The following SGSM2 variants were observed in gnomAD, a reference collection of about 807,000 sequenced individuals.
SGSM2 encodes the protein RUN and TBC1 domain containing 1.
In SGSM2, 89 loss-of-function variants were observed where a neutral mutation model predicts 126.6. The observed-to-expected ratio is 0.70, with a 90% CI of 0.59 to 0.84. The LOEUF (loss-of-function observed/expected upper bound fraction) is 0.84. Among genes scored for constraint, SGSM2 ranks in the 40% least tolerant of loss-of-function variants. The pLI is 0.00. For missense variants in SGSM2, 1,404 were observed against 1,416.6 expected (o/e 0.99, Z 0.14); for synonymous variants, 614 against 574.3 (o/e 1.07, Z -0.99).
Position 2,376,847 on chromosome 17 carries a change from C to T in SGSM2, c.2692+32C>T, listed in dbSNP as rs202039022. ...GATGGCGGGACATGGGACTGGGCTG[C>T]GTAAGCTGGAGAAAGGACGAGAGGG... On this transcript the variant is annotated intron_variant, in intron 20 of 23. Transcript: ENST00000268989. 296 of 1,613,098 alleles carry T rather than the reference C, an allele frequency of 1.8e-4. 2 individuals are homozygous for T. The African/African-American group carries it at 3.3e-3, about 18-fold the overall frequency.
chr17:2,347,473 T>C (rs2064650041), intron 2 of SGSM2, among the ~76,000 whole-genome samples: 1 of 151,670 alleles, frequency 6.6e-6, no homozygotes, highest in African/African-American at 2.4e-5. Flanking sequence ...GTCTTTGATA[T>C]ATCCTTTTAT....
chr17:2,346,026 T>G (rs112708005), intron 2 of SGSM2, among the ~76,000 whole-genome samples: 179 of 152,298 alleles, frequency 1.2e-3, no homozygotes, highest in African/African-American at 4.1e-3. Flanking sequence ...CACCCCTCTC[T>G]GCCTTTTTGG....
chr17:2,377,625 T>A, intron 21 of SGSM2: 1 of 390,148 alleles, frequency 2.6e-6, no homozygotes. Context: ...CCTATAACCC[T>A]AAAAATAATG....
At chr17:2,339,904 G>T (rs2064272789) in intron 1 of SGSM2, among the ~76,000 whole-genome samples, 1 of 152,044 alleles carries the variant, frequency 6.6e-6, no homozygotes, top group Admixed American at 6.6e-5. Flanking sequence ...GATTTCTTAG[G>T]CCAGGGGTGT....
chr17:2,377,486 A>AAAAAAAAAAAAACGAAAAAAAAG (rs1418295261), intron 21 of SGSM2: 2,968 of 174,080 alleles, frequency 0.017, 163 homozygotes, highest in African/African-American at 0.074. Flanking sequence ...TCTGTCTCAA[A>AAAAAAAAAAAAACGAAAAAAAAG]AAAAAAAAAA....
intron 2 of SGSM2, among the ~76,000 whole-genome samples, chr17:2,344,781 T>C (rs2064523007): frequency 6.6e-6 from 1 of 152,232 alleles, no homozygotes; most frequent in Non-Finnish European, 1.5e-5. Flanking sequence ...GTTTGAATCC[T>C]GGCGTCCTGC....
Position 2,365,278 on chromosome 17 carries a change from G to A in SGSM2, c.1225G>A (p.Gly409Ser). Residue 409 changes from glycine (G) to serine (S), a missense_variant, in exon 11 of 24, where the codon GGC becomes AGC. Coordinates refer to ENST00000268989, the MANE Select transcript of SGSM2 (RefSeq NM_014853.3). ...SIRSVDMEEM[G>S]TGRATDYVFR... Reference sequence around the variant, plus strand: ...TCGCTCCGTGGATATGGAGGAGATGGGCACGGGGCGGGCCACCGACTATGT... The same window carrying A: ...TCGCTCCGTGGATATGGAGGAGATGAGCACGGGGCGGGCCACCGACTATGT... 2 of 1,600,598 alleles carry A rather than the reference G, an allele frequency of 1.2e-6. No homozygotes were observed. The highest frequency in any genetic ancestry group is 1.7e-6 in the Non-Finnish European group (2 of 1,173,634).
At chr17:2,376,576 C>G in intron 19 of SGSM2, 157 bp from the exon 20 acceptor site, 1 of 840,670 alleles carries the variant, frequency 1.2e-6, no homozygotes, top group South Asian at 1.6e-5. Flanking sequence ...GTGGGTTGTT[C>G]CCCGTTGTCT....
chr17:2,362,306 A>AC lies in SGSM2; in HGVS notation c.458+40dup, dbSNP rs1180339204. On this transcript the variant is annotated intron_variant, in intron 4 of 23. Coordinates refer to ENST00000268989, the MANE Select transcript of SGSM2 (RefSeq NM_014853.3). The surrounding 1 kb of genome is among the most constrained non-coding windows in gnomAD (Gnocchi z 4.9). ...CGTTCCCCAAAAACTGCAGGTGACCACCCCGTTCCCCCCAAAACTGCAGGT... is the reference window on the plus strand; with the variant it reads ...CGTTCCCCAAAAACTGCAGGTGACCACCCCCGTTCCCCCCAAAACTGCAGGT... 1.4e-6 allele frequency: 2 copies of AC among 1,430,142 alleles called. No individual in the cohort carries two copies. Among genetic ancestry groups the AC allele is most frequent in the Non-Finnish European group, 1.9e-6 (2 of 1,077,938 alleles). The allele number at this position is 1,430,142 out of a possible 1,614,324, so 88.6% of individuals were successfully genotyped here. A position where few individuals can be genotyped will look rare whatever the true frequency, so the allele number is the denominator to read the frequency against.
In SGSM2 at chr17:2,380,134, C is replaced by A; in HGVS notation, c.*614C>A. 7.0e-7 allele frequency: 1 copy of A among 1,434,212 alleles called. No individual in the cohort carries two copies. The highest frequency in any genetic ancestry group is 1.5e-5 in the South Asian group (1 of 68,524). 88.8% of individuals were successfully genotyped at this position (1,434,212 alleles called of 1,614,324 possible). On this transcript the variant is annotated 3_prime_UTR_variant, in exon 24 of 24. Transcript: ENST00000268989. The stretch of plus-strand genomic sequence containing the variant: ...GATGTGGGCCCTGGGTGGGAGCAGC[C>A]CACTTCAGCAGCACTGCCACTGCCT...
intron 2 of SGSM2, among the ~76,000 whole-genome samples, chr17:2,348,842 G>A (rs562381250): frequency 6.6e-6 from 1 of 152,206 alleles, no homozygotes; most frequent in South Asian, 2.1e-4. Context: ...AGCTCACTCA[G>A]CCTCGACCTT....
intron 12 of SGSM2, among the ~76,000 whole-genome samples, chr17:2,368,747 C>T (rs902003162): frequency 1.3e-5 from 2 of 151,466 alleles, no homozygotes; most frequent in Non-Finnish European, 2.9e-5. Flanking sequence ...CCTACACACA[C>T]CCCTGCCATC....
Position 2,350,023 on chromosome 17 carries a change from G to A in SGSM2, c.133+6403G>A, listed in dbSNP as rs540744485. On this transcript the variant is annotated intron_variant, in intron 2 of 23. Transcript: ENST00000268989. ...AGGATGGTCTCAATCTCCTGACCTC[G>A]TGATCCGCCCACCTCGGCCTCCCAA... Among the ~76,000 whole-genome samples, 148 of 151,894 alleles carry A rather than the reference G, an allele frequency of 9.7e-4. 2 individuals carry two copies. Among genetic ancestry groups the A allele is most frequent in the African/African-American group, 3.2e-3 (131 of 41,436 alleles).
chr17:2,375,412 C>T, intron 17 of SGSM2, 80 bp from the exon 18 acceptor site: 1 of 1,505,228 alleles, frequency 6.6e-7, no homozygotes, highest in Non-Finnish European at 8.9e-7. Flanking sequence ...TGCATTCCAG[C>T]TCCCTTCTGG....
chr17:2,375,430 A>T, intron 17 of SGSM2, 62 bp from the exon 18 acceptor site: 1 of 1,532,914 alleles, frequency 6.5e-7, no homozygotes, highest in Non-Finnish European at 8.8e-7. Flanking sequence ...TGGCCCGAGG[A>T]GGCGGTGGGC....
At chr17:2,356,186 A>C (rs1314886055) in intron 2 of SGSM2, among the ~76,000 whole-genome samples, 1 of 6,108 alleles carries the variant, frequency 1.6e-4, no homozygotes, top group African/African-American at 1.8e-3. Flanking sequence ...AGGGTTGGGG[A>C]AGGGACCCCA....
At position 2,371,413 on chromosome 17, in the gene SGSM2, C is replaced by T. The variant is rs1183041497; in HGVS notation, c.1575C>T (p.Asp525=). ...ATPSHCSCIP[D]RLPLRLLCES... is the part of the protein sequence containing the mutation. The stretch of plus-strand genomic sequence containing the variant: ...CCAGCCACTGTAGCTGCATCCCCGA[C>T]CGGTGAGTGGGCAGCGCTCGGCCCC... Residue 525 remains aspartate (D), a splice_region_variant and synonymous_variant, in exon 13 of 24, where the codon GAC becomes GAT. Coordinates refer to ENST00000268989, the MANE Select transcript of SGSM2 (RefSeq NM_014853.3). The T allele has an allele frequency of 6.3e-7, 1 of 1,596,182 alleles. No homozygotes were observed.
Position 2,379,057 on chromosome 17 carries a change from T to C in SGSM2, c.2921T>C (p.Phe974Ser), listed in dbSNP as rs1567855141. 1 of 1,614,154 alleles carries C rather than the reference T, an allele frequency of 6.2e-7. No homozygotes were observed. Among genetic ancestry groups the C allele is most frequent in the Admixed American group, 1.7e-5 (1 of 60,014 alleles). Reference protein sequence around the residue: ...FKRELLYEDVFAVWEVIWAAR... With the variant: ...FKRELLYEDVSAVWEVIWAAR... ...GCAGAACTGCTGTATGAGGATGTGTTTGCTGTGTGGGAGGTGATCTGGGCA... is the reference window on the plus strand; with the variant it reads ...GCAGAACTGCTGTATGAGGATGTGTCTGCTGTGTGGGAGGTGATCTGGGCA... Residue 974 changes from phenylalanine to serine, a missense_variant, in exon 23 of 24, where the codon TTT becomes TCT. Physicochemically the swap from Phe to Ser is radical, Grantham distance 155. Coordinates refer to ENST00000268989, the MANE Select transcript of SGSM2 (RefSeq NM_014853.3).
chr17:2,362,950 A>G lies in SGSM2; in HGVS notation c.527-39A>G. The G allele has an allele frequency of 6.2e-7, 1 of 1,614,064 alleles. No individual in the cohort carries two copies. Among genetic ancestry groups the G allele is most frequent in the Non-Finnish European group, 8.5e-7 (1 of 1,179,988 alleles). On this transcript the variant is annotated intron_variant, in intron 5 of 23. Coordinates refer to ENST00000268989, the MANE Select transcript of SGSM2 (RefSeq NM_014853.3). The surrounding 1 kb of genome is among the most constrained non-coding windows in gnomAD (Gnocchi z 4.9). ...CACAGTGGGTACGGGGCAGGTGCTGAGGGAGCATCGTCTGGGCTGGCTGTC... is the reference window on the plus strand; with the variant it reads ...CACAGTGGGTACGGGGCAGGTGCTGGGGGAGCATCGTCTGGGCTGGCTGTC...
Sources: allele counts gnomAD v4.1 joint callset (sites outside exome capture counted in the v4.1 genomes callset), GRCh38; gene constraint gnomAD v4.1.1; non-coding constraint Gnocchi (gnomAD v3.1); transcripts MANE v1.5; gene names NCBI Gene and HGNC (gene_info 2026-07-23, HGNC 2026-07-21).